ELOVL2: variants seen among roughly 807,000 people sequenced by gnomAD.
ELOVL2 encodes very long chain fatty acid elongase 2.
Under a neutral mutation model 37.7 loss-of-function variants are expected in ELOVL2, and 38 were observed. The observed-to-expected ratio is 1.01, with a 90% CI of 0.78 to 1.32. ELOVL2 has a LOEUF of 1.32. Among genes scored for constraint, ELOVL2 ranks in the 40% most tolerant of loss-of-function variants. ELOVL2 has a pLI of 0.00. For synonymous variants in ELOVL2, 115 were observed against 122.3 expected (o/e 0.94, Z 0.40); for missense variants, 352 against 363.6 (o/e 0.97, Z 0.26).
chr6:10,992,514 G>A (rs1195883432), intron 5 of ELOVL2, among the ~76,000 whole-genome samples: 1 of 152,224 alleles, frequency 6.6e-6, no homozygotes, highest in African/African-American at 2.4e-5. Context: ...GATTAGGCCG[G>A]GCGTGGTGGC....
chr6:11,032,756 TAC>T (rs1298266367), intron 1 of ELOVL2, among the ~76,000 whole-genome samples: 1 of 152,240 alleles, frequency 6.6e-6, no homozygotes, highest in African/African-American at 2.4e-5. Flanking sequence ...TTCTTGCCCT[TAC>T]AGAGTTTATA....
intron 3 of ELOVL2, among the ~76,000 whole-genome samples, chr6:11,003,056 A>G (rs1021860660): frequency 1.3e-5 from 2 of 152,224 alleles, no homozygotes; most frequent in African/African-American, 4.8e-5. Flanking sequence ...TTCTGACTCC[A>G]TTACACCAAA....
intron 5 of ELOVL2, among the ~76,000 whole-genome samples, chr6:10,991,504 A>T (rs1782157574): frequency 6.6e-6 from 1 of 152,192 alleles, no homozygotes; most frequent in Non-Finnish European, 1.5e-5. Flanking sequence ...TTGGGATGAA[A>T]TTAACTGAGA....
At chr6:10,999,511 G>A (rs184434837) in intron 4 of ELOVL2, among the ~76,000 whole-genome samples, 2,524 of 152,052 alleles carry the variant, frequency 0.017, 36 homozygotes, top group Non-Finnish European at 0.027. Flanking sequence ...GAGTAGCTGG[G>A]ACTACAGGTG....
At chr6:11,030,250 A>G (rs1476871841) in intron 1 of ELOVL2, among the ~76,000 whole-genome samples, 1 of 152,194 alleles carries the variant, frequency 6.6e-6, no homozygotes, top group Non-Finnish European at 1.5e-5. Flanking sequence ...CAATTCAGTC[A>G]GCCAAGAAGG....
intron 5 of ELOVL2, among the ~76,000 whole-genome samples, chr6:10,993,044 T>C (rs951350016): frequency 6.6e-6 from 1 of 152,106 alleles, no homozygotes; most frequent in African/African-American, 2.4e-5. Context: ...TTTTAAAAAA[T>C]AAAAGTGTGC....
At chr6:10,992,480 T>TG (rs1455885776) in intron 5 of ELOVL2, among the ~76,000 whole-genome samples, 2 of 152,198 alleles carry the variant, frequency 1.3e-5, no homozygotes, top group African/African-American at 4.8e-5. Flanking sequence ...CAGTGAGAAT[T>TG]GTCATCAACT....
At chr6:11,026,830 A>G (rs1782844641) in intron 1 of ELOVL2, among the ~76,000 whole-genome samples, 1 of 151,888 alleles carries the variant, frequency 6.6e-6, no homozygotes, top group African/African-American at 2.4e-5. Context: ...TATTATTTAT[A>G]TCTAATAGAT....
chr6:11,029,208 G>A lies in ELOVL2; in HGVS notation c.3+15020C>T, dbSNP rs187397632. 7.1e-5 allele frequency among the ~76,000 whole-genome samples: 9 copies of A among 126,432 alleles called. No individual in the cohort carries two copies. The East Asian group carries it at 7.2e-4, about 10-fold the overall frequency. 82.9% of individuals were successfully genotyped at this position (126,432 alleles called of 152,430 possible). A position where few individuals can be genotyped will look rare whatever the true frequency, so the allele number is the denominator to read the frequency against. ...GCGCCACTGCACTTCAGCCCGGGGC[G>A]ACAGAGGGAGATCTCAAAAAAAAAA... On this transcript the variant is annotated intron_variant, in intron 1 of 7. Transcript: ENST00000354666.
intron 7 of ELOVL2, 72 bp from the exon 8 acceptor site, chr6:10,983,978 T>A (rs1781993120): frequency 2.2e-6 from 3 of 1,358,622 alleles, no homozygotes; most frequent in Non-Finnish European, 3.0e-6. Context: ...TAACAGTGCA[T>A]ATAGTTAAAA....
At chr6:11,042,938 G>GT (rs1783124988) in intron 1 of ELOVL2, among the ~76,000 whole-genome samples, 1 of 150,752 alleles carries the variant, frequency 6.6e-6, no homozygotes, top group South Asian at 2.1e-4. Flanking sequence ...AAAAATCTGT[G>GT]TCTTCCTGAA....
In ELOVL2 at chr6:10,983,803, A is replaced by T. The variant is rs769058448; in HGVS notation, c.869T>A (p.Val290Glu). ...TTTTTATTGTGCTTTCTTGTTCATC[A>T]CTCCATTTGCTGCAGTGAAGTAGGC... ...SKAYFTAANG[V>E]MNKKAQ Residue 290 changes from valine to glutamate, a missense_variant, in exon 8 of 8, where the codon GTG becomes GAG. By Grantham distance (121) the Val-to-Glu change is moderately radical. Transcript: ENST00000354666. 6.2e-7 allele frequency: 1 copy of T among 1,609,666 alleles called. No homozygotes were observed. Among genetic ancestry groups the T allele is most frequent in the Admixed American group, 1.7e-5 (1 of 58,930 alleles).
At chr6:11,005,221 C>G in intron 3 of ELOVL2, 151 bp downstream of exon 3, 1 of 635,046 alleles carries the variant, frequency 1.6e-6, no homozygotes, top group Non-Finnish European at 2.5e-6. Context: ...CAAGGACTTC[C>G]AGGATTTTCA....
chr6:11,005,887 A>G (rs1782475389), intron 2 of ELOVL2, among the ~76,000 whole-genome samples: 1 of 151,944 alleles, frequency 6.6e-6, no homozygotes, highest in African/African-American at 2.4e-5. Flanking sequence ...AAGTACTATT[A>G]TGCAATTTTA....
In ELOVL2 at chr6:11,044,269, G is replaced by A. The variant is rs773397569; in HGVS notation, c.-39C>T. 1.7e-5 allele frequency: 23 copies of A among 1,318,386 alleles called. No individual in the cohort carries two copies. Among genetic ancestry groups the A allele is most frequent in the South Asian group, 2.1e-5 (1 of 46,944 alleles). 81.7% of individuals were successfully genotyped at this position (1,318,386 alleles called of 1,614,324 possible). A position where few individuals can be genotyped will look rare whatever the true frequency, so the allele number is the denominator to read the frequency against. ...TGTGGCGCGGCGACCCGGGCGGGCG[G>A]CGATGCGCTGTCCAGGGTAGCCGGG... On this transcript the variant is annotated 5_prime_UTR_variant, in exon 1 of 8. Coordinates refer to ENST00000354666, the MANE Select transcript of ELOVL2 (RefSeq NM_017770.4). This position sits in a 1 kb window ranked among gnomAD's most constrained non-coding sequence, Gnocchi z 5.6.
chr6:11,035,141 T>C (rs927135678), intron 1 of ELOVL2, among the ~76,000 whole-genome samples: 6 of 152,234 alleles, frequency 3.9e-5, no homozygotes, highest in Non-Finnish European at 7.3e-5. Flanking sequence ...GTGTTACTAC[T>C]TTCTGGGGCC....
chr6:11,004,416 CTTTT>C (rs74352598), intron 3 of ELOVL2, among the ~76,000 whole-genome samples: 8 of 142,018 alleles, frequency 5.6e-5, no homozygotes, highest in South Asian at 2.3e-4. Flanking sequence ...CTTTGTCCCT[CTTTT>C]TTTTTTTTTT....
chr6:11,004,427 T>C (rs1047641548), intron 3 of ELOVL2, among the ~76,000 whole-genome samples: 16 of 149,038 alleles, frequency 1.1e-4, no homozygotes, highest in African/African-American at 3.4e-4. Context: ...TTTTTTTTTT[T>C]TTTTCTACAG....
intron 1 of ELOVL2, among the ~76,000 whole-genome samples, chr6:11,014,267 AGAG>A (rs1287513221): frequency 6.6e-6 from 1 of 152,190 alleles, no homozygotes; most frequent in Non-Finnish European, 1.5e-5. Flanking sequence ...CCAAGAGAAA[AGAG>A]GAGTTCGAAA....
Sources: gnomAD v4.1 joint callset for allele counts (sites outside exome capture counted in the v4.1 genomes callset) on GRCh38, gnomAD v4.1.1 for gene constraint, Gnocchi (gnomAD v3.1) non-coding constraint, MANE v1.5 for transcripts, NCBI Gene and HGNC (gene_info 2026-07-23, HGNC 2026-07-21) for gene names.